ADGRB3: variants seen among roughly 807,000 people sequenced by gnomAD.
The protein encoded by ADGRB3 is adhesion G protein-coupled receptor B3.
Under a neutral mutation model 193.4 loss-of-function variants are expected in ADGRB3, and 37 were observed. The observed-to-expected ratio is 0.19, with a 90% CI of 0.15 to 0.25. The LOEUF is 0.25. ADGRB3 is among the 10% of genes least tolerant of loss of function. ADGRB3 has a pLI of 1.00. For synonymous variants in ADGRB3, 690 were observed against 644.2 expected (o/e 1.07, Z -1.08); for missense variants, 1,637 against 1,852.9 (o/e 0.88, Z 2.14).
intron 20 of ADGRB3, among the ~76,000 whole-genome samples, chr6:69,266,162 G>C (rs1767035079): frequency 6.6e-6 from 1 of 151,828 alleles, no homozygotes; most frequent in Non-Finnish European, 1.5e-5. Context: ...GAAAAATATG[G>C]TTCACAGCCA....
chr6:69,219,482 TATATATATATAC>T (rs1293212065), intron 17 of ADGRB3, among the ~76,000 whole-genome samples: 62 of 80,184 alleles, frequency 7.7e-4, no homozygotes, highest in African/African-American at 4.8e-3. Context: ...TATATATATA[TATATATATATAC>T]GTGTGTGTGT....
intron 17 of ADGRB3, among the ~76,000 whole-genome samples, chr6:69,215,632 A>G (rs1302191932): frequency 1.3e-5 from 2 of 152,182 alleles, no homozygotes; most frequent in Admixed American, 1.3e-4. Flanking sequence ...TATAAGAGAT[A>G]TAATGTAGCC....
intron 3 of ADGRB3, among the ~76,000 whole-genome samples, chr6:68,711,477 A>G (rs1765408237): frequency 6.6e-6 from 1 of 152,186 alleles, no homozygotes; most frequent in Non-Finnish European, 1.5e-5. Flanking sequence ...GTCTTAATTC[A>G]AAATGAAATA....
At chr6:68,743,486 T>C (rs1382624642) in intron 3 of ADGRB3, among the ~76,000 whole-genome samples, 1 of 152,070 alleles carries the variant, frequency 6.6e-6, no homozygotes, top group Non-Finnish European at 1.5e-5. Context: ...CTTAGACATG[T>C]GTTCTATTTT....
intron 17 of ADGRB3, among the ~76,000 whole-genome samples, chr6:69,224,452 G>A (rs182736779): frequency 6.6e-6 from 1 of 151,978 alleles, no homozygotes; most frequent in South Asian, 2.1e-4. Flanking sequence ...CAGACCAACA[G>A]TTTTTTTGAG....
At chr6:68,808,949 C>T (rs577065919) in intron 3 of ADGRB3, among the ~76,000 whole-genome samples, 4 of 152,168 alleles carry the variant, frequency 2.6e-5, no homozygotes, top group African/African-American at 9.6e-5. Context: ...GGATGGGGCT[C>T]AGGGATCTGT....
chr6:69,101,854 A>G (rs1773065805), intron 17 of ADGRB3, among the ~76,000 whole-genome samples: 1 of 152,156 alleles, frequency 6.6e-6, no homozygotes, highest in South Asian at 2.1e-4. Flanking sequence ...TTTGAACTCA[A>G]ACAGTCTATT....
intron 11 of ADGRB3, among the ~76,000 whole-genome samples, chr6:69,010,619 A>C (rs1252853762): frequency 3.9e-5 from 6 of 152,014 alleles, no homozygotes; most frequent in African/African-American, 1.4e-4. Context: ...GATATAAAGC[A>C]TAGGTGGGCA....
At chr6:69,339,719 C>T (rs1167319193) in intron 26 of ADGRB3, among the ~76,000 whole-genome samples, 1 of 152,008 alleles carries the variant, frequency 6.6e-6, no homozygotes, top group Non-Finnish European at 1.5e-5. Flanking sequence ...GGGACTATGC[C>T]AGGAAAAACA....
chr6:68,784,974 T>C (rs893310280), intron 3 of ADGRB3, among the ~76,000 whole-genome samples: 4 of 152,088 alleles, frequency 2.6e-5, no homozygotes, highest in Non-Finnish European at 4.4e-5. Context: ...TATAGCAGTT[T>C]AGGTGAATAA....
intron 17 of ADGRB3, among the ~76,000 whole-genome samples, chr6:69,140,888 C>G (rs750108787): frequency 1.3e-5 from 2 of 151,952 alleles, no homozygotes; most frequent in Non-Finnish European, 2.9e-5. Context: ...TTTACTCACT[C>G]AACAATCATT....
At chr6:68,724,239 A>C (rs556828313) in intron 3 of ADGRB3, among the ~76,000 whole-genome samples, 8 of 151,830 alleles carry the variant, frequency 5.3e-5, no homozygotes, top group African/African-American at 1.9e-4. Flanking sequence ...TCACGTTATC[A>C]CATTAGAAGT....
intron 3 of ADGRB3, among the ~76,000 whole-genome samples, chr6:68,812,683 T>C (rs2127376365): frequency 6.6e-6 from 1 of 152,218 alleles, no homozygotes; most frequent in East Asian, 1.9e-4. Flanking sequence ...TTTTTTTTTC[T>C]TTTTCTTATA....
intron 19 of ADGRB3, among the ~76,000 whole-genome samples, chr6:69,237,560 A>G (rs1028482932): frequency 2.0e-5 from 3 of 152,088 alleles, no homozygotes; most frequent in Non-Finnish European, 4.4e-5. Context: ...GAGACATTTC[A>G]TAGCAATTAT....
At chr6:69,139,278 T>C (rs1391001795) in intron 17 of ADGRB3, among the ~76,000 whole-genome samples, 1 of 152,226 alleles carries the variant, frequency 6.6e-6, no homozygotes, top group East Asian at 1.9e-4. Flanking sequence ...CATAAGGACT[T>C]GTCCCCTCAT....
chr6:69,225,695 T>C (rs1043734525), intron 17 of ADGRB3, among the ~76,000 whole-genome samples: 1 of 152,226 alleles, frequency 6.6e-6, no homozygotes, highest in Non-Finnish European at 1.5e-5. Flanking sequence ...CTGTTTCATC[T>C]GTAAGGTCCT....
intron 17 of ADGRB3, among the ~76,000 whole-genome samples, chr6:69,100,927 AGGG>A (rs1422638705): frequency 3.3e-4 from 4 of 12,228 alleles, no homozygotes; most frequent in African/African-American, 9.8e-4. Context: ...GGAAGGAAGG[AGGG>A]AGGGAGGGAA....
At chr6:69,052,465 G>A (rs1286268949) in intron 15 of ADGRB3, among the ~76,000 whole-genome samples, 2 of 152,152 alleles carry the variant, frequency 1.3e-5, no homozygotes, top group Non-Finnish European at 1.5e-5. Flanking sequence ...GTTGAAATAT[G>A]TGAAGCCACG....
chr6:69,271,015 C>T (rs73745991), intron 20 of ADGRB3, among the ~76,000 whole-genome samples: 2,617 of 151,848 alleles, frequency 0.017, 82 homozygotes, highest in African/African-American at 0.06. Flanking sequence ...TGCTCAGTTA[C>T]CATAAAAATA....
Sources: allele counts gnomAD v4.1 joint callset (sites outside exome capture counted in the v4.1 genomes callset), GRCh38; gene constraint gnomAD v4.1.1; transcripts MANE v1.5; gene names NCBI Gene and HGNC (gene_info 2026-07-23, HGNC 2026-07-21).